CPLX1: variants seen among roughly 807,000 people sequenced by gnomAD.
The protein encoded by CPLX1 is complexin-1.
A neutral mutation model predicts 15.6 loss-of-function variants in CPLX1; 6 were observed. The observed-to-expected ratio is 0.39, with a 90% CI of 0.21 to 0.76. The LOEUF (loss-of-function observed/expected upper bound fraction) is 0.76. Among genes scored for constraint, CPLX1 ranks in the 30% least tolerant of loss-of-function variants. The pLI, the probability that CPLX1 is intolerant of heterozygous loss-of-function variation, is 0.43. For synonymous variants in CPLX1, 91 were observed against 75.2 expected, an observed-to-expected ratio of 1.21 and a Z score of -1.08; for missense variants, 242 against 188.6, an observed-to-expected ratio of 1.28 and a Z score of -1.66.
intron 3 of CPLX1, chr4:787,912 G>A: frequency 3.0e-6 from 3 of 985,384 alleles, no homozygotes; most frequent in Non-Finnish European, 3.6e-6. Flanking sequence ...TTGGGGGCCT[G>A]GTGTTGTACG....
At chr4:798,119 G>A (rs2152644658) in intron 2 of CPLX1, among the ~76,000 whole-genome samples, 1 of 151,806 alleles carries the variant, frequency 6.6e-6, no homozygotes, top group African/African-American at 2.4e-5. Flanking sequence ...TACTAAAAAT[G>A]CAAAAATTAG....
chr4:814,296 T>C (rs571013334), intron 2 of CPLX1, among the ~76,000 whole-genome samples: 1 of 152,220 alleles, frequency 6.6e-6, no homozygotes, highest in East Asian at 1.9e-4. Context: ...CACTGCAACC[T>C]CTGCCTCCTG....
intron 2 of CPLX1, among the ~76,000 whole-genome samples, chr4:817,759 C>G (rs541555572): frequency 3.9e-5 from 6 of 152,320 alleles, no homozygotes; most frequent in Non-Finnish European, 5.9e-5. Flanking sequence ...CCTCCAGGCC[C>G]TGGGGCTCCC....
chr4:793,908 A>C (rs1746259264), intron 2 of CPLX1, among the ~76,000 whole-genome samples: 1 of 152,092 alleles, frequency 6.6e-6, no homozygotes, highest in African/African-American at 2.4e-5. Flanking sequence ...GGTTAGACTA[A>C]CACCACCCAG....
intron 2 of CPLX1, among the ~76,000 whole-genome samples, chr4:805,755 G>A (rs1746545063): frequency 6.6e-6 from 1 of 152,220 alleles, no homozygotes; most frequent in Non-Finnish European, 1.5e-5. Context: ...AGACAGAATG[G>A]AATATTATGC....
At chr4:819,852 C>T (rs1394225872) in intron 2 of CPLX1, among the ~76,000 whole-genome samples, 1 of 152,222 alleles carries the variant, frequency 6.6e-6, no homozygotes, top group African/African-American at 2.4e-5. Context: ...GGAGCAGCAG[C>T]AGCCACTTTG....
At chr4:819,175 C>A (rs1028920468) in intron 2 of CPLX1, among the ~76,000 whole-genome samples, 1 of 152,264 alleles carries the variant, frequency 6.6e-6, no homozygotes, top group South Asian at 2.1e-4. Context: ...GAAACAAATG[C>A]TCTAACCCCA....
intron 3 of CPLX1, chr4:788,424 C>T: frequency 2.0e-6 from 2 of 985,388 alleles, no homozygotes. Context: ...CACCTGGCCA[C>T]TGAGGAGAGA....
intron 2 of CPLX1, among the ~76,000 whole-genome samples, chr4:801,081 G>A (rs113752796): frequency 6.6e-6 from 1 of 151,290 alleles, no homozygotes; most frequent in African/African-American, 2.4e-5. Flanking sequence ...TTGGGAAGTC[G>A]AGGCGGGCAG....
chr4:812,451 A>C (rs971078911), intron 2 of CPLX1, among the ~76,000 whole-genome samples: 5 of 152,118 alleles, frequency 3.3e-5, no homozygotes, highest in African/African-American at 1.2e-4. Flanking sequence ...CCAATCTGAC[A>C]ATTCTGCTTT....
At chr4:792,734 G>C in intron 2 of CPLX1, 126 bp from the exon 3 acceptor site, 1 of 1,011,434 alleles carries the variant, frequency 9.9e-7, no homozygotes, top group South Asian at 1.7e-5. Flanking sequence ...CCCTCTGGCT[G>C]CCCCCACCAC....
At chr4:787,442 G>C in intron 3 of CPLX1, 1 of 937,066 alleles carries the variant, frequency 1.1e-6, no homozygotes, top group Non-Finnish European at 1.3e-6. Flanking sequence ...GATCTCATTC[G>C]GAAACAGGTC....
chr4:796,114 C>T (rs1291305145), intron 2 of CPLX1, among the ~76,000 whole-genome samples: 1 of 152,204 alleles, frequency 6.6e-6, no homozygotes, highest in African/African-American at 2.4e-5. Flanking sequence ...ACGGTAAGTA[C>T]AATGACAATG....
At chr4:791,060 C>G (rs904786035) in intron 3 of CPLX1, among the ~76,000 whole-genome samples, 2 of 152,102 alleles carry the variant, frequency 1.3e-5, no homozygotes, top group Non-Finnish European at 2.9e-5. Context: ...CTCCTGTCCC[C>G]GTCTCCCGCT....
intron 2 of CPLX1, among the ~76,000 whole-genome samples, chr4:795,464 C>T (rs1158481254): frequency 1.3e-5 from 2 of 152,212 alleles, no homozygotes; most frequent in African/African-American, 2.4e-5. Flanking sequence ...CGCTGCGGCG[C>T]GGGGCGGTCC....
At chr4:788,545 G>A (rs1048237286) in intron 3 of CPLX1, 19 of 985,340 alleles carry the variant, frequency 1.9e-5, no homozygotes, top group Non-Finnish European at 2.0e-5. Context: ...AACGTTCTCC[G>A]CACAACAGGG....
intron 3 of CPLX1, chr4:788,632 C>T (rs958327912): frequency 2.0e-6 from 2 of 978,506 alleles, no homozygotes; most frequent in Middle Eastern, 5.2e-4. Flanking sequence ...TGGTTCTCGT[C>T]CTAGCCATCC....
chr4:792,237 G>A (rs1178344452), intron 3 of CPLX1, among the ~76,000 whole-genome samples, 196 bp downstream of exon 3: 1 of 152,152 alleles, frequency 6.6e-6, no homozygotes, highest in Non-Finnish European at 1.5e-5. Flanking sequence ...GGAGCAGGAG[G>A]GGCTGGGCCC....
At chr4:801,732 C>T (rs1338247787) in intron 2 of CPLX1, among the ~76,000 whole-genome samples, 1 of 152,226 alleles carries the variant, frequency 6.6e-6, no homozygotes, top group African/African-American at 2.4e-5. Context: ...TGACACAGTC[C>T]TCAGAACTTG....
Sources: gnomAD v4.1 joint callset for allele counts (sites outside exome capture counted in the v4.1 genomes callset) on GRCh38, gnomAD v4.1.1 for gene constraint, MANE v1.5 for transcripts, NCBI Gene and HGNC (gene_info 2026-07-23, HGNC 2026-07-21) for gene names.